PLB1: variants seen among roughly 807,000 people sequenced by gnomAD.
PLB1 encodes phospholipase B1.
A neutral mutation model predicts 227.4 loss-of-function variants in PLB1; 242 were observed. The ratio of observed to expected loss-of-function variants is 1.06; its 90% CI spans 0.96 to 1.18. The LOEUF (loss-of-function observed/expected upper bound fraction) is 1.18, where lower values mean the gene tolerates loss of function less well. PLB1 is among the 50% of genes most tolerant of loss of function. The probability of loss-of-function intolerance (pLI) is 0.00; values close to 1 mark genes in which losing one functional copy is unlikely to be tolerated. For synonymous variants in PLB1, 757 were observed against 682.2 expected, an observed-to-expected ratio of 1.11 and a Z score of -1.71; for missense variants, 1,858 against 1,816.3, an observed-to-expected ratio of 1.02 and a Z score of -0.42.
rs151120274 is a variant in PLB1, at chr2:28,598,761, G to T, written c.2474+1G>T. ...AAGCTGTTCCCGGAGCAAAGGCTGA[G>T]TATGGCATTTGGGGAGGGAGGGAGC... On this transcript the variant is annotated splice_donor_variant, in intron 35 of 57. Transcript: ENST00000327757. LOFTEE classifies it high-confidence loss of function. 7 of 1,611,410 alleles carry T rather than the reference G, an allele frequency of 4.3e-6. No individual in the cohort carries two copies. The African/African-American group carries it at 8.0e-5, about 18-fold the overall frequency.
chr2:28,601,887 G>A lies in PLB1; in HGVS notation c.2608-12G>A. 2.5e-6 allele frequency: 4 copies of A among 1,594,094 alleles called. No homozygotes were observed. Among genetic ancestry groups the A allele is most frequent in the East Asian group, 2.2e-5 (1 of 44,694 alleles). ...CCAGTTCCTCCTTTTCCTCCTTCCTGTCTCTTTCTAGAATCTGTATTCTGC... is the reference window on the plus strand; with the variant it reads ...CCAGTTCCTCCTTTTCCTCCTTCCTATCTCTTTCTAGAATCTGTATTCTGC... On this transcript the variant is annotated splice_polypyrimidine_tract_variant and intron_variant, in intron 37 of 57. Coordinates refer to ENST00000327757, the MANE Select transcript of PLB1 (RefSeq NM_153021.5).
At chr2:28,500,740 C>T (rs6714897) in intron 1 of PLB1, among the ~76,000 whole-genome samples, 145,532 of 152,108 alleles carry the variant, frequency 0.96, 69,727 homozygotes, top group East Asian at 1. Flanking sequence ...AGTGAGACCC[C>T]GTCTCCAAAA....
chr2:28,610,450 C>T (rs917768754), intron 43 of PLB1, among the ~76,000 whole-genome samples: 2 of 152,068 alleles, frequency 1.3e-5, no homozygotes, highest in African/African-American at 4.8e-5. Flanking sequence ...CACACTCGGC[C>T]GGAACTAGCA....
In PLB1 at chr2:28,603,021, TC is replaced by T. The variant is rs1684144880; in HGVS notation, c.2774+102del. 9.7e-6 allele frequency: 10 copies of T among 1,030,478 alleles called. No individual in the cohort carries two copies. The South Asian group carries it at 1.4e-4, about 14-fold the overall frequency. 63.8% of individuals were successfully genotyped at this position (1,030,478 alleles called of 1,614,324 possible). ...CTCAGGGTCTTTGTGACTTGGTCTATCCATGTGTCCAAGTCTGTAAAGGAGG... is the reference window on the plus strand; with the variant it reads ...CTCAGGGTCTTTGTGACTTGGTCTATCATGTGTCCAAGTCTGTAAAGGAGG... On this transcript the variant is annotated intron_variant, in intron 39 of 57. Transcript: ENST00000327757.
At chr2:28,565,446 AG>A in intron 19 of PLB1, 93 bp downstream of exon 19, 5 of 1,147,724 alleles carry the variant, frequency 4.4e-6, no homozygotes, top group Non-Finnish European at 6.2e-6. Context: ...CTTAAGCAGA[AG>A]GGTGGGCCAT....
At chr2:28,522,107 T>G (rs1056164721) in intron 4 of PLB1, among the ~76,000 whole-genome samples, 1 of 148,616 alleles carries the variant, frequency 6.7e-6, no homozygotes, top group Non-Finnish European at 1.5e-5. Flanking sequence ...GAACTTGGCT[T>G]GGACTCCCTG....
chr2:28,591,854 G>T (rs1048840038), intron 31 of PLB1, 94 bp downstream of exon 31: 2 of 1,276,740 alleles, frequency 1.6e-6, no homozygotes, highest in Admixed American at 3.5e-5. Context: ...CTCACTAAAT[G>T]GCACAGTGAC....
At chr2:28,518,416 T>C (rs1340381939) in intron 2 of PLB1, 50 bp from the exon 3 acceptor site, 1 of 1,406,842 alleles carries the variant, frequency 7.1e-7, no homozygotes, top group South Asian at 1.2e-5. Context: ...GGACCTGCAA[T>C]ATTTCTATAC....
Position 28,618,356 on chromosome 2 carries a change from C to G in PLB1, c.3272C>G (p.Pro1091Arg). 6.2e-7 allele frequency: 1 copy of G among 1,614,156 alleles called. No homozygotes were observed. The highest frequency in any genetic ancestry group is 8.5e-7 in the Non-Finnish European group (1 of 1,180,020). Reference protein sequence around the residue: ...SVPTSVHQLRPADIKVVAALG... With the variant: ...SVPTSVHQLRRADIKVVAALG... The stretch of plus-strand genomic sequence containing the variant: ...TCTCCCCTAGTCCACCAGCTCCGAC[C>G]AGCAGACATCAAAGTGGTGGCCGCC... Residue 1091 changes from proline to arginine, a missense_variant, in exon 46 of 58, where the codon CCA (proline) becomes CGA (arginine). Pro to Arg is a moderately radical substitution (Grantham distance 103, BLOSUM62 -2). Transcript: ENST00000327757.
At chr2:28,602,017 A>T in intron 38 of PLB1, 53 bp downstream of exon 38, 8 of 1,435,816 alleles carry the variant, frequency 5.6e-6, no homozygotes, top group Non-Finnish European at 7.8e-6. Context: ...GTGAGGGTGA[A>T]GGTGGATGGG....
intron 9 of PLB1, among the ~76,000 whole-genome samples, chr2:28,535,855 G>A (rs1420519945): frequency 6.6e-6 from 1 of 152,136 alleles, no homozygotes; most frequent in Non-Finnish European, 1.5e-5. Context: ...AGGAAGTGGA[G>A]GCTGCAGTGA....
chr2:28,522,727 T>C (rs1325805183), intron 4 of PLB1, among the ~76,000 whole-genome samples: 3 of 152,100 alleles, frequency 2.0e-5, no homozygotes, highest in Non-Finnish European at 4.4e-5. Context: ...GGCCCCCCCT[T>C]CTCAGGAACA....
Position 28,525,976 on chromosome 2 carries a change from G to C in PLB1, c.325+31G>C, listed in dbSNP as rs768838610. 5 of 1,613,570 alleles carry C rather than the reference G, an allele frequency of 3.1e-6. No homozygotes were observed. The Admixed American group carries it at 8.3e-5, about 27-fold the overall frequency. On this transcript the variant is annotated intron_variant, in intron 6 of 57. Coordinates refer to ENST00000327757, the MANE Select transcript of PLB1 (RefSeq NM_153021.5). ...TTGTGGTTTTCACGGCCAGATTTCA[G>C]AGTGCCCCTCTCCTTCCCAACACAG...
chr2:28,591,407 C>T (rs1234221266), intron 30 of PLB1, among the ~76,000 whole-genome samples: 1 of 152,214 alleles, frequency 6.6e-6, no homozygotes, highest in South Asian at 2.1e-4. Flanking sequence ...AGAGAAATCC[C>T]CTTCCTTGTA....
intron 17 of PLB1, among the ~76,000 whole-genome samples, chr2:28,554,572 C>T (rs1420270056): frequency 4.1e-5 from 6 of 145,768 alleles, no homozygotes; most frequent in Non-Finnish European, 8.9e-5. Flanking sequence ...CAGGCTCAGG[C>T]GATCCTCCAG....
intron 17 of PLB1, among the ~76,000 whole-genome samples, chr2:28,559,114 C>T (rs1675623587): frequency 6.6e-6 from 1 of 152,232 alleles, no homozygotes; most frequent in Non-Finnish European, 1.5e-5. Context: ...CAGCCTCTGC[C>T]TCCTGGGCTT....
intron 9 of PLB1, among the ~76,000 whole-genome samples, chr2:28,533,245 T>G (rs774557951): frequency 1.3e-5 from 2 of 152,218 alleles, no homozygotes; most frequent in Admixed American, 6.5e-5. Flanking sequence ...GGAAGAACAT[T>G]GATGGAAATC....
At position 28,539,193 on chromosome 2, in the gene PLB1, G is replaced by A. The variant is rs1308478546; in HGVS notation, c.698+15G>A. The A allele has an allele frequency of 6.9e-6, 11 of 1,603,110 alleles. No individual in the cohort carries two copies. The African/African-American group carries it at 1.3e-4, about 20-fold the overall frequency. Reference sequence around the variant, plus strand: ...ACTTGGCTCAGGTAAAAGGGGAAGTGGAATGAGACACGCATCTGTGACACG... The same window carrying A: ...ACTTGGCTCAGGTAAAAGGGGAAGTAGAATGAGACACGCATCTGTGACACG... On this transcript the variant is annotated intron_variant, in intron 11 of 57. Transcript: ENST00000327757.
At chr2:28,606,001 CA>C in intron 42 of PLB1, 53 bp downstream of exon 42, 3 of 1,400,492 alleles carry the variant, frequency 2.1e-6, no homozygotes, top group Non-Finnish European at 3.0e-6. Flanking sequence ...TAGGGCAGGG[CA>C]CCAGCCCCTA....
Sources: gnomAD v4.1 joint callset for allele counts (sites outside exome capture counted in the v4.1 genomes callset) on GRCh38, gnomAD v4.1.1 for gene constraint, MANE v1.5 for transcripts, NCBI Gene and HGNC (gene_info 2026-07-23, HGNC 2026-07-21) for gene names.